Variants in CREB5 observed in about 807,000 individuals in gnomAD.
The protein encoded by CREB5 is cAMP responsive element binding protein 5, also known as cyclic AMP-responsive element-binding protein 5.
In CREB5, 19 loss-of-function variants were observed where a neutral mutation model predicts 57.1. The ratio of observed to expected loss-of-function variants is 0.33; its 90% CI spans 0.23 to 0.49. The LOEUF is 0.49. Ranked by LOEUF, CREB5 falls within the 20% of genes least tolerant of loss-of-function variation. The pLI is 0.99. For synonymous variants in CREB5, 238 were observed against 238.3 expected (o/e 1.00, Z 0.01); for missense variants, 579 against 671.6 (o/e 0.86, Z 1.52).
chr7:28,366,561 G>A (rs1438017538), intron 1 of CREB5, among the ~76,000 whole-genome samples: 1 of 152,164 alleles, frequency 6.6e-6, no homozygotes, highest in African/African-American at 2.4e-5. Context: ...CTTGATCATA[G>A]AAGTGCTATC....
chr7:28,726,368 G>A (rs940770799), intron 7 of CREB5, among the ~76,000 whole-genome samples: 4 of 152,226 alleles, frequency 2.6e-5, no homozygotes, highest in Admixed American at 1.3e-4. Context: ...CTGGAAAAAT[G>A]TTAAGTGAAT....
At chr7:28,359,681 C>T (rs1786428347) in intron 1 of CREB5, among the ~76,000 whole-genome samples, 1 of 152,102 alleles carries the variant, frequency 6.6e-6, no homozygotes, top group Non-Finnish European at 1.5e-5. Flanking sequence ...TTGCATTGGA[C>T]CTCAAAAGCT....
intron 9 of CREB5, among the ~76,000 whole-genome samples, chr7:28,810,828 T>C (rs998030190): frequency 3.9e-5 from 6 of 152,192 alleles, no homozygotes; most frequent in Admixed American, 1.3e-4. Context: ...CATATCCAGT[T>C]TCATTAAATG....
rs181920368 is a variant in CREB5 at position 28,582,464 on chromosome 7, A to G, written c.464+11927A>G. 4.6e-5 allele frequency among the ~76,000 whole-genome samples: 7 copies of G among 152,328 alleles called. No individual in the cohort carries two copies. The East Asian group carries it at 1.3e-3, about 29-fold the overall frequency. ...ACTTTTACGTCAAAGACCCTGTTGC[A>G]TCAACTTCTTTTTAGTCTTATGATA... is the stretch of plus-strand genomic sequence containing the variant. On this transcript the variant is annotated intron_variant, in intron 5 of 10. Coordinates refer to ENST00000357727, the MANE Select transcript of CREB5 (RefSeq NM_182898.4).
chr7:28,519,211 A>T (rs1367222556), intron 4 of CREB5, among the ~76,000 whole-genome samples: 1 of 152,118 alleles, frequency 6.6e-6, no homozygotes, highest in Admixed American at 6.5e-5. Context: ...CTTGATCCAG[A>T]TCTCTGCTAG....
intron 4 of CREB5, among the ~76,000 whole-genome samples, chr7:28,560,919 T>TGCGTGCGCGCGCGC (rs1562797827): frequency 4.7e-5 from 2 of 42,990 alleles, no homozygotes; most frequent in African/African-American, 2.1e-4. Context: ...CGTGTGCGTG[T>TGCGTGCGCGCGCGC]GTGCGCGTGC....
intron 7 of CREB5, among the ~76,000 whole-genome samples, chr7:28,737,573 ATATATATATAT>A (rs1287438354): frequency 0.16 from 8,493 of 52,186 alleles, 546 homozygotes; most frequent in Non-Finnish European, 0.24. Context: ...ATATATATAT[ATATATATATAT>A]ATATTTTTAA....
chr7:28,349,010 C>A (rs1786133469), intron 1 of CREB5, among the ~76,000 whole-genome samples: 1 of 152,222 alleles, frequency 6.6e-6, no homozygotes, highest in South Asian at 2.1e-4. Flanking sequence ...CTGAATTCCA[C>A]AGACAAACGT....
intron 9 of CREB5, among the ~76,000 whole-genome samples, chr7:28,814,510 T>A (rs945595754): frequency 2.6e-5 from 4 of 152,226 alleles, no homozygotes; most frequent in Non-Finnish European, 5.9e-5. Context: ...TAGAACTGGC[T>A]CCCTTATGAA....
chr7:28,439,123 G>GA (rs1203152278), intron 1 of CREB5, among the ~76,000 whole-genome samples: 1 of 152,054 alleles, frequency 6.6e-6, no homozygotes, highest in Non-Finnish European at 1.5e-5. Flanking sequence ...CCCTTCATGT[G>GA]ATGCTTTATG....
intron 4 of CREB5, among the ~76,000 whole-genome samples, chr7:28,534,086 C>T (rs1793854920): frequency 1.3e-5 from 2 of 152,096 alleles, no homozygotes; most frequent in African/African-American, 2.4e-5. Context: ...AGTCTCAGAC[C>T]CACAGGGCCT....
At chr7:28,634,092 G>A (rs189803790) in intron 5 of CREB5, among the ~76,000 whole-genome samples, 1 of 152,284 alleles carries the variant, frequency 6.6e-6, no homozygotes, top group East Asian at 1.9e-4. Flanking sequence ...CTCAGAAGTT[G>A]ACAGTGTTTC....
rs572242647 is a variant in CREB5 at position 28,750,268 on chromosome 7, A to G, written c.702+25936A>G. On this transcript the variant is annotated intron_variant, in intron 7 of 10. Coordinates refer to ENST00000357727, the MANE Select transcript of CREB5 (RefSeq NM_182898.4). ...TGTCAGTGTGTTCCTTCCACGTTCC[A>G]TCCTGCCTCGCCCTTGGGGTCGTCA... is the stretch of plus-strand genomic sequence containing the variant. Among the ~76,000 whole-genome samples the G allele has an allele frequency of 2.6e-5, 4 of 152,282 alleles. No individual in the cohort carries two copies. The South Asian group carries it at 8.3e-4, about 32-fold the overall frequency.
In CREB5 at chr7:28,435,530, A is replaced by T. The variant is rs1788926090; in HGVS notation, c.3+22613A>T. Reference sequence around the variant, plus strand: ...CCTTAATATGAATGAGGGCCATATAACCAGCCTCTTAAATTTAAGTGTCAG... The same window carrying T: ...CCTTAATATGAATGAGGGCCATATATCCAGCCTCTTAAATTTAAGTGTCAG... On this transcript the variant is annotated intron_variant, in intron 1 of 10. Coordinates refer to ENST00000357727, the MANE Select transcript of CREB5 (RefSeq NM_182898.4). 9.2e-6 allele frequency: 6 copies of T among 651,628 alleles called. No homozygotes were observed. The South Asian group carries it at 3.4e-4, about 37-fold the overall frequency. The allele number at this position is 651,628 out of a possible 1,614,324, so 40.4% of individuals were successfully genotyped here.
chr7:28,349,436 C>G (rs189614079), intron 1 of CREB5, among the ~76,000 whole-genome samples: 1 of 151,636 alleles, frequency 6.6e-6, no homozygotes, highest in Non-Finnish European at 1.5e-5. Context: ...CCCCCCATTC[C>G]CATTCAATCT....
At chr7:28,353,058 C>T (rs1215747887) in intron 1 of CREB5, among the ~76,000 whole-genome samples, 1 of 151,960 alleles carries the variant, frequency 6.6e-6, no homozygotes, top group Non-Finnish European at 1.5e-5. Flanking sequence ...CTTAGAAGTG[C>T]CTCTTTTTCT....
At chr7:28,328,605 G>T (rs551066202) in intron 1 of CREB5, among the ~76,000 whole-genome samples, 3 of 152,160 alleles carry the variant, frequency 2.0e-5, no homozygotes, top group Admixed American at 2.0e-4. Flanking sequence ...TATTTGCTGA[G>T]CACTTATTAT....
intron 4 of CREB5, among the ~76,000 whole-genome samples, chr7:28,547,624 T>A (rs1794469192): frequency 6.6e-6 from 1 of 152,212 alleles, no homozygotes; most frequent in Admixed American, 6.5e-5. Context: ...TTCACAGCAA[T>A]GTCTTGACTT....
At chr7:28,579,369 T>C (rs1353772105) in intron 5 of CREB5, among the ~76,000 whole-genome samples, 2 of 152,178 alleles carry the variant, frequency 1.3e-5, no homozygotes, top group Non-Finnish European at 2.9e-5. Flanking sequence ...TTTTGGCAAA[T>C]ATCAACTAAA....
Sources: gnomAD v4.1 joint callset for allele counts (sites outside exome capture counted in the v4.1 genomes callset) on GRCh38, gnomAD v4.1.1 for gene constraint, MANE v1.5 for transcripts, NCBI Gene and HGNC (gene_info 2026-07-23, HGNC 2026-07-21) for gene names.